Variants in NOMO1 observed in about 807,000 individuals in gnomAD.
NOMO1 encodes nodal modulator 3.
NOMO1 carries 40 observed loss-of-function variants against 133.8 expected under a neutral mutation model. That is an observed-to-expected ratio of 0.30 (90% confidence interval 0.23 to 0.39). NOMO1 has a LOEUF of 0.39. Among genes scored for constraint, NOMO1 ranks in the 10% least tolerant of loss-of-function variants. NOMO1 has a pLI of 1.00. For missense variants in NOMO1, 462 were observed against 1,419.9 expected (o/e 0.33, Z 10.84); for synonymous variants, 236 against 570.5 (o/e 0.41, Z 8.36).
intron 22 of NOMO1, among the ~76,000 whole-genome samples, chr16:14,877,155 GTT>G (rs758384408): frequency 6.0e-5 from 7 of 117,588 alleles, no homozygotes; most frequent in Non-Finnish European, 9.0e-5. Flanking sequence ...ATATACTGTT[GTT>G]TTTTTTTTTT....
rs547786952 is a variant in NOMO1 at position 14,839,770 on chromosome 16, G to C, written c.255+1274G>C. Among the ~76,000 whole-genome samples, 108 of 151,226 alleles carry C rather than the reference G, an allele frequency of 7.1e-4. 1 individual carries two copies. The South Asian group carries it at 9.6e-3, about 13-fold the overall frequency. ...TTTTCTTTTTTTTTTGAGACAGAGT[G>C]TCACTCTGTCAGCCAGGCTGGAGTG... On this transcript the variant is annotated intron_variant, in intron 2 of 30. Coordinates refer to ENST00000287667, the MANE Select transcript of NOMO1 (RefSeq NM_014287.4).
At position 14,857,185 on chromosome 16, in the gene NOMO1, C is replaced by T. The variant is rs746000290; in HGVS notation, c.964-32C>T. ...TGTGGCTCTGGCACAGGAGCACCTT[C>T]GAGCACCTTCTTCTTGTTCTTTGTT... On this transcript the variant is annotated intron_variant, in intron 9 of 30. Coordinates refer to ENST00000287667, the MANE Select transcript of NOMO1 (RefSeq NM_014287.4). The T allele has an allele frequency of 3.2e-4, 518 of 1,610,014 alleles. 1 individual carries two copies. The highest frequency in any genetic ancestry group is 4.2e-4 in the Non-Finnish European group (494 of 1,176,812).
rs1379666226 is a variant in NOMO1, at chr16:14,876,217, CT to C, written c.2357-141del. 7.6e-6 allele frequency: 8 copies of C among 1,048,200 alleles called. No individual in the cohort carries two copies. The Admixed American group carries it at 2.0e-4, about 26-fold the overall frequency. The allele number at this position is 1,048,200 out of a possible 1,614,324, so 64.9% of individuals were successfully genotyped here. ...GCTTGGGCTGTATCCGATTATTGAG[CT>C]CCCCGGGGTGTTAAATAACCGCATT... On this transcript the variant is annotated intron_variant, in intron 20 of 30. Transcript: ENST00000287667.
intron 22 of NOMO1, among the ~76,000 whole-genome samples, chr16:14,878,480 C>T (rs1467049332): frequency 3.7e-5 from 3 of 81,672 alleles, no homozygotes; most frequent in African/African-American, 1.6e-4. Flanking sequence ...GGTGACAGAG[C>T]AAGACCCTGT....
intron 15 of NOMO1, among the ~76,000 whole-genome samples, chr16:14,867,677 A>T (rs1185891662): frequency 6.7e-6 from 1 of 148,746 alleles, no homozygotes. Flanking sequence ...GGCAGATGTC[A>T]TCGTCAGGTC....
intron 6 of NOMO1, among the ~76,000 whole-genome samples, chr16:14,850,075 C>G (rs1046471427): frequency 3.8e-4 from 55 of 143,730 alleles, no homozygotes; most frequent in Non-Finnish European, 7.0e-4. Context: ...AGGATACAGT[C>G]TTTTTTTTTT....
At chr16:14,894,279 T>C (rs1241180827) in intron 29 of NOMO1, among the ~76,000 whole-genome samples, 14 of 152,226 alleles carry the variant, frequency 9.2e-5, no homozygotes, top group Non-Finnish European at 1.8e-4. Flanking sequence ...AATGGGGCAA[T>C]TGGCCAAATG....
rs1315069741 is a variant in NOMO1, at chr16:14,867,003, G to A, written c.1806+312G>A. 8.7e-3 allele frequency among the ~76,000 whole-genome samples: 1,199 copies of A among 137,292 alleles called. 5 individuals are homozygous for A. Among genetic ancestry groups the A allele is most frequent in the Middle Eastern group, 0.029 (8 of 280 alleles). 90.1% of individuals were successfully genotyped at this position (137,292 alleles called of 152,430 possible). On this transcript the variant is annotated intron_variant, in intron 15 of 30. Coordinates refer to ENST00000287667, the MANE Select transcript of NOMO1 (RefSeq NM_014287.4). The stretch of plus-strand genomic sequence containing the variant: ...AGTAATAATAGCTTTGGGTAAATTC[G>A]TTTACTGCTTCTCAGCCTCAGTTTT...
At chr16:14,868,963 G>C (rs1247538070) in intron 16 of NOMO1, among the ~76,000 whole-genome samples, 2 of 149,800 alleles carry the variant, frequency 1.3e-5, no homozygotes, top group Non-Finnish European at 3.0e-5. Flanking sequence ...TTTTGAGATG[G>C]AGTCTTGCTC....
At chr16:14,860,181 G>T (rs1963901506) in intron 11 of NOMO1, among the ~76,000 whole-genome samples, 1 of 151,574 alleles carries the variant, frequency 6.6e-6, no homozygotes, top group East Asian at 1.9e-4. Context: ...CAGCCTGGCC[G>T]CATGGTGAAA....
At chr16:14,884,294 C>G (rs893296094) in intron 26 of NOMO1, 78 bp from the exon 27 acceptor site, 18 of 1,466,464 alleles carry the variant, frequency 1.2e-5, no homozygotes, top group Non-Finnish European at 1.6e-5. Context: ...TGAAGCAGCT[C>G]TCAGGCCATC....
intron 18 of NOMO1, among the ~76,000 whole-genome samples, chr16:14,873,982 AC>A (rs975801783): frequency 5.3e-5 from 8 of 151,020 alleles, no homozygotes; most frequent in Non-Finnish European, 1.0e-4. Flanking sequence ...ATCAAAATAC[AC>A]CCGTCATCTA....
intron 6 of NOMO1, among the ~76,000 whole-genome samples, chr16:14,850,816 C>G (rs1334581940): frequency 6.6e-6 from 1 of 151,826 alleles, no homozygotes; most frequent in Non-Finnish European, 1.5e-5. Context: ...GGCGCAGTTG[C>G]TCATGCTGTA....
At chr16:14,834,430 AT>A (rs1284345845) in intron 1 of NOMO1, among the ~76,000 whole-genome samples, 3 of 134,938 alleles carry the variant, frequency 2.2e-5, no homozygotes, top group Admixed American at 7.6e-5. Context: ...CACATGTCTT[AT>A]CCCCCAAACT....
chr16:14,867,122 G>A (rs1415542223), intron 15 of NOMO1, among the ~76,000 whole-genome samples: 18 of 83,774 alleles, frequency 2.1e-4, no homozygotes, highest in South Asian at 8.7e-4. Context: ...GGTGTACACC[G>A]CTCTGTACTG....
chr16:14,876,351 C>G lies in NOMO1; in HGVS notation c.2357-8C>G, dbSNP rs1293316637. 6.2e-7 allele frequency: 1 copy of G among 1,610,842 alleles called. No individual in the cohort carries two copies. On this transcript the variant is annotated splice_polypyrimidine_tract_variant and splice_region_variant and intron_variant, in intron 20 of 30. Coordinates refer to ENST00000287667, the MANE Select transcript of NOMO1 (RefSeq NM_014287.4). ...CCCCATCCTTGTGTTTATTTCTTCC[C>G]CTCTTAGAAAGCTGCCCAGGGAAGC...
Position 14,850,066 on chromosome 16 carries a change from G to T in NOMO1, c.582+1095G>T, listed in dbSNP as rs936451219. Among the ~76,000 whole-genome samples the T allele has an allele frequency of 3.3e-5, 5 of 151,264 alleles. 1 individual carries two copies. The highest frequency in any genetic ancestry group is 1.2e-4 in the African/African-American group (5 of 40,956). ...GGCATGTGCCACTGCCCCTAGCTAA[G>T]GATACAGTCTTTTTTTTTTTTGAGA... On this transcript the variant is annotated intron_variant, in intron 6 of 30. Coordinates refer to ENST00000287667, the MANE Select transcript of NOMO1 (RefSeq NM_014287.4).
chr16:14,871,241 T>C (rs1964076720), intron 16 of NOMO1, among the ~76,000 whole-genome samples: 1 of 151,296 alleles, frequency 6.6e-6, no homozygotes. Context: ...GCTGTGGTTA[T>C]CTCTTGGATC....
intron 20 of NOMO1, among the ~76,000 whole-genome samples, chr16:14,875,743 C>T (rs1482612550): frequency 6.6e-6 from 1 of 151,680 alleles, no homozygotes; most frequent in African/African-American, 2.4e-5. Flanking sequence ...ATTATCAGGT[C>T]GACACCAGAA....
Sources: allele counts gnomAD v4.1 joint callset (sites outside exome capture counted in the v4.1 genomes callset), GRCh38; gene constraint gnomAD v4.1.1; transcripts MANE v1.5; gene names NCBI Gene and HGNC (gene_info 2026-07-23, HGNC 2026-07-21).